SEMA3D: variants seen among roughly 807,000 people sequenced by gnomAD.
The protein encoded by SEMA3D is semaphorin-3D.
A neutral mutation model predicts 100.1 loss-of-function variants in SEMA3D; 84 were observed. That is an observed-to-expected ratio of 0.84 (90% CI 0.70 to 1.01). The LOEUF is 1.01. Among genes scored for constraint, SEMA3D ranks in the 50% least tolerant of loss-of-function variants. The pLI, the probability that SEMA3D is intolerant of heterozygous loss-of-function variation, is 0.00. For missense variants in SEMA3D, 875 were observed against 934.1 expected (o/e 0.94, Z 0.82); for synonymous variants, 312 against 320.7 (o/e 0.97, Z 0.29).
At chr7:85,096,263 A>G (rs1384367997) in intron 4 of SEMA3D, among the ~76,000 whole-genome samples, 2 of 151,924 alleles carry the variant, frequency 1.3e-5, no homozygotes, top group Non-Finnish European at 2.9e-5. Context: ...GAGTATTTTT[A>G]AAAGAAATTC....
At chr7:85,141,810 C>A in intron 2 of SEMA3D, 2 of 762,592 alleles carry the variant, frequency 2.6e-6, no homozygotes, top group Non-Finnish European at 3.2e-6. Flanking sequence ...CAGTGTAACC[C>A]CTACTAATAA....
At chr7:85,102,226 G>A (rs183215512) in intron 3 of SEMA3D, among the ~76,000 whole-genome samples, 161 of 151,998 alleles carry the variant, frequency 1.1e-3, no homozygotes, top group African/African-American at 3.7e-3. Flanking sequence ...ATTTTGAGAG[G>A]AAACACATAA....
chr7:85,003,087 C>T (rs1279669435), intron 18 of SEMA3D, among the ~76,000 whole-genome samples: 2 of 151,994 alleles, frequency 1.3e-5, no homozygotes, highest in East Asian at 3.9e-4. Context: ...CAAATGTCTG[C>T]AAAACTGTTG....
chr7:85,240,620 C>G, the SEMA3D span, among the ~76,000 whole-genome samples: 1 of 152,064 alleles, frequency 6.6e-6, no homozygotes, highest in African/African-American at 2.4e-5. Context: ...ATATCTGGGC[C>G]TGGTGTTTCC....
At chr7:85,231,494 C>A in the SEMA3D span, among the ~76,000 whole-genome samples, 9 of 87,900 alleles carry the variant, frequency 1.0e-4, no homozygotes, top group South Asian at 4.8e-4. Context: ...GTCACCCAGG[C>A]TGGAGTGCAG....
chr7:85,015,697 G>A (rs575540490), intron 15 of SEMA3D, among the ~76,000 whole-genome samples: 2 of 151,910 alleles, frequency 1.3e-5, no homozygotes, highest in South Asian at 4.1e-4. Flanking sequence ...TTGAAAGAAT[G>A]TGAGTTATTA....
chr7:85,115,088 G>C (rs925617849), intron 3 of SEMA3D, among the ~76,000 whole-genome samples: 1 of 152,178 alleles, frequency 6.6e-6, no homozygotes, highest in East Asian at 1.9e-4. Context: ...AATGTTTACA[G>C]TTGAAAATCA....
intron 1 of SEMA3D, among the ~76,000 whole-genome samples, chr7:85,154,094 C>G (rs1056039090): frequency 6.6e-6 from 1 of 152,030 alleles, no homozygotes; most frequent in Non-Finnish European, 1.5e-5. Context: ...ATAAAATCAA[C>G]CATTACAGAA....
intron 8 of SEMA3D, 48 bp from the exon 9 acceptor site, chr7:85,055,907 G>C: frequency 9.5e-7 from 1 of 1,055,322 alleles, no homozygotes; most frequent in Non-Finnish European, 1.4e-6. Context: ...AAACAATCCA[G>C]TCATCATAGT....
intron 9 of SEMA3D, among the ~76,000 whole-genome samples, chr7:85,048,173 T>C (rs1791062199): frequency 6.6e-6 from 1 of 151,838 alleles, no homozygotes; most frequent in South Asian, 2.1e-4. Flanking sequence ...TCTTTTTGAT[T>C]TAATGCCTGT....
chr7:85,232,251 T>C, the SEMA3D span, among the ~76,000 whole-genome samples: 1 of 152,238 alleles, frequency 6.6e-6, no homozygotes, highest in Non-Finnish European at 1.5e-5. Context: ...TGTCATTGCT[T>C]GTTAGCTTTG....
At chr7:85,100,111 G>A (rs1376917083) in intron 3 of SEMA3D, among the ~76,000 whole-genome samples, 7 of 151,964 alleles carry the variant, frequency 4.6e-5, no homozygotes, top group African/African-American at 1.7e-4. Flanking sequence ...CTCTGAAAGA[G>A]ATATGACCCT....
chr7:85,078,705 C>T (rs1787960902), intron 5 of SEMA3D, among the ~76,000 whole-genome samples: 1 of 152,182 alleles, frequency 6.6e-6, no homozygotes, highest in Non-Finnish European at 1.5e-5. Flanking sequence ...TCATCTTCTA[C>T]TATCCCCACC....
chr7:85,150,864 C>A (rs1450095371), intron 2 of SEMA3D, among the ~76,000 whole-genome samples: 1 of 151,804 alleles, frequency 6.6e-6, no homozygotes, highest in African/African-American at 2.4e-5. Flanking sequence ...CATTGAATTC[C>A]CTCTGTGGTG....
chr7:85,014,994 G>T (rs1790056239), intron 16 of SEMA3D, 65 bp downstream of exon 16: 2 of 1,225,242 alleles, frequency 1.6e-6, no homozygotes, highest in Admixed American at 3.7e-5. Context: ...ATAAGACAAA[G>T]CATTAATGTG....
At chr7:85,093,525 C>A (rs771852457) in intron 4 of SEMA3D, among the ~76,000 whole-genome samples, 55 of 151,958 alleles carry the variant, frequency 3.6e-4, no homozygotes, top group Non-Finnish European at 7.2e-4. Flanking sequence ...CATCATTAAG[C>A]AGATGATATT....
intron 1 of SEMA3D, among the ~76,000 whole-genome samples, chr7:85,183,249 GT>G (rs1791449304): frequency 6.6e-6 from 1 of 152,172 alleles, no homozygotes; most frequent in Non-Finnish European, 1.5e-5. Flanking sequence ...GACACCTCTG[GT>G]TTATGATAAC....
chr7:85,074,199 T>A (rs956352587), intron 5 of SEMA3D, among the ~76,000 whole-genome samples: 1 of 152,150 alleles, frequency 6.6e-6, no homozygotes, highest in South Asian at 2.1e-4. Flanking sequence ...ATTAAGGAAG[T>A]TGGTAACCTG....
At chr7:85,063,752 GA>G (rs1791539024) in intron 8 of SEMA3D, among the ~76,000 whole-genome samples, 1 of 151,974 alleles carries the variant, frequency 6.6e-6, no homozygotes, top group African/African-American at 2.4e-5. Flanking sequence ...GTTACCTTTA[GA>G]AAAACAAAAT....
Sources: allele counts gnomAD v4.1 joint callset (sites outside exome capture counted in the v4.1 genomes callset), GRCh38; gene constraint gnomAD v4.1.1; transcripts MANE v1.5; gene names NCBI Gene and HGNC (gene_info 2026-07-23, HGNC 2026-07-21).